Variants in MYRFL observed in about 807,000 individuals in gnomAD.
MYRFL encodes myelin regulatory factor-like protein.
MYRFL carries 88 observed loss-of-function variants against 109.4 expected under a neutral mutation model. That is an observed-to-expected ratio of 0.80 (90% confidence interval 0.68 to 0.96). The LOEUF (loss-of-function observed/expected upper bound fraction) is 0.96, where lower values mean the gene tolerates loss of function less well. Among genes scored for constraint, MYRFL ranks in the 40% least tolerant of loss-of-function variants. The pLI, the probability that MYRFL is intolerant of heterozygous loss-of-function variation, is 0.00. For missense variants in MYRFL, 957 were observed against 954.9 expected (o/e 1.00, Z -0.03); for synonymous variants, 324 against 320.9 (o/e 1.01, Z -0.10).
At chr12:69,862,398 AT>A (rs1198237446) in intron 2 of MYRFL, among the ~76,000 whole-genome samples, 4 of 152,206 alleles carry the variant, frequency 2.6e-5, no homozygotes, top group African/African-American at 9.7e-5. Context: ...ATGTTCTTCC[AT>A]TTGTTTGTAA....
chr12:69,884,975 C>G (rs967419821), intron 5 of MYRFL, among the ~76,000 whole-genome samples: 1 of 152,124 alleles, frequency 6.6e-6, no homozygotes, highest in Non-Finnish European at 1.5e-5. Flanking sequence ...AAACCCAGAT[C>G]TGTCTTGATT....
At chr12:69,926,117 C>CTTTTTTTTTTTTTTTTTTTTTT (rs147973443) in intron 13 of MYRFL, among the ~76,000 whole-genome samples, 1 of 84,852 alleles carries the variant, frequency 1.2e-5, no homozygotes, top group Non-Finnish European at 2.2e-5. Flanking sequence ...TCTTCTTCTT[C>CTTTTTTTTTTTTTTTTTTTTTT]TTTTTTTTTT....
intron 11 of MYRFL, among the ~76,000 whole-genome samples, chr12:69,904,948 C>T (rs968718756): frequency 6.6e-6 from 1 of 152,188 alleles, no homozygotes; most frequent in Non-Finnish European, 1.5e-5. Flanking sequence ...GAATGTCCTC[C>T]TTTGCTTAGA....
intron 2 of MYRFL, among the ~76,000 whole-genome samples, chr12:69,868,922 A>G (rs1421105580): frequency 2.6e-5 from 4 of 152,012 alleles, no homozygotes; most frequent in African/African-American, 9.7e-5. Flanking sequence ...ACACACATGT[A>G]CTCACACGTA....
In MYRFL at chr12:69,927,740, A is replaced by C. The variant is rs1238261002; in HGVS notation, c.1822A>C (p.Asn608His). 6.5e-7 allele frequency: 1 copy of C among 1,533,710 alleles called. No individual in the cohort carries two copies. Among genetic ancestry groups the C allele is most frequent in the Admixed American group, 2.0e-5 (1 of 50,830 alleles). ...SSPRRAVHKKNNKVYFSGKRQ... is the reference protein window; with the variant it reads ...SSPRRAVHKKHNKVYFSGKRQ... The stretch of plus-strand genomic sequence containing the variant: ...TCCAAGAAGGGCCGTTCATAAAAAA[A>C]ACAACAAGGTAAATAGACACATTTA... The change falls in exon 15 of 25, where the codon AAC (asparagine) becomes CAC (histidine). Residue 608 changes from asparagine (N) to histidine (H), a missense_variant. Asn to His is a moderately conservative substitution (Grantham distance 68, BLOSUM62 1). Transcript: ENST00000552032.
At chr12:69,836,686 A>G (rs1411972378) in intron 1 of MYRFL, among the ~76,000 whole-genome samples, 2 of 152,178 alleles carry the variant, frequency 1.3e-5, no homozygotes, top group South Asian at 2.1e-4. Flanking sequence ...AAGAACTGCC[A>G]TTAGCTCCTT....
intron 18 of MYRFL, 23 bp from the exon 19 acceptor site, chr12:69,936,430 C>A: frequency 1.1e-5 from 17 of 1,529,532 alleles, no homozygotes; most frequent in Non-Finnish European, 1.5e-5. Context: ...TGCTTCCCCT[C>A]CCCCCTGCCC....
intron 19 of MYRFL, among the ~76,000 whole-genome samples, chr12:69,947,260 C>T (rs536562952): frequency 6.6e-6 from 1 of 152,250 alleles, no homozygotes; most frequent in Non-Finnish European, 1.5e-5. Flanking sequence ...TAACAGTTTA[C>T]TAAACCCCTA....
At chr12:69,846,684 A>G (rs979662847) in intron 1 of MYRFL, among the ~76,000 whole-genome samples, 1 of 152,154 alleles carries the variant, frequency 6.6e-6, no homozygotes, top group African/African-American at 2.4e-5. Context: ...TTATAGCAGC[A>G]TGATTTATGG....
At chr12:69,938,930 C>T (rs789558) in intron 19 of MYRFL, among the ~76,000 whole-genome samples, 42,152 of 152,064 alleles carry the variant, frequency 0.28, 6,030 homozygotes, top group Non-Finnish European at 0.32. Flanking sequence ...AAAGGGGTGA[C>T]GGATGGCACC....
At chr12:69,893,696 G>T in intron 7 of MYRFL, 68 bp from the exon 8 acceptor site, 1 of 1,033,030 alleles carries the variant, frequency 9.7e-7, no homozygotes, top group Admixed American at 3.2e-5. Context: ...TTAAGTACTT[G>T]AACATTCTTT....
chr12:69,863,153 A>T (rs1462514981), intron 2 of MYRFL, among the ~76,000 whole-genome samples: 1 of 152,094 alleles, frequency 6.6e-6, no homozygotes, highest in Non-Finnish European at 1.5e-5. Context: ...TCGGTTTGCC[A>T]GTATTTTATT....
At chr12:69,869,639 G>A (rs1396717721) in intron 2 of MYRFL, among the ~76,000 whole-genome samples, 3 of 152,228 alleles carry the variant, frequency 2.0e-5, no homozygotes, top group Non-Finnish European at 4.4e-5. Context: ...AGCTCAGTGT[G>A]AGGTGCAATA....
At chr12:69,889,160 T>G (rs1240546746) in intron 6 of MYRFL, among the ~76,000 whole-genome samples, 1 of 151,970 alleles carries the variant, frequency 6.6e-6, no homozygotes, top group Non-Finnish European at 1.5e-5. Context: ...TGCATAGATC[T>G]GTACAGTAGT....
rs539033348 is a variant in MYRFL, at chr12:69,927,018, C to A, written c.1766+284C>A. Among the ~76,000 whole-genome samples the A allele has an allele frequency of 4.6e-5, 6 of 130,218 alleles. No individual in the cohort carries two copies. In the East Asian group the frequency reaches 1.2e-3, roughly 27 times the overall value. 85.4% of individuals were successfully genotyped at this position (130,218 alleles called of 152,430 possible). ...GGAGTACAATGGCACAATCTTGGCT[C>A]ACTGCAGCCTCCTTCTCCCAGATTC... On this transcript the variant is annotated intron_variant, in intron 14 of 24. Transcript: ENST00000552032.
intron 2 of MYRFL, among the ~76,000 whole-genome samples, chr12:69,865,317 G>T (rs564078762): frequency 6.6e-6 from 1 of 152,186 alleles, no homozygotes; most frequent in African/African-American, 2.4e-5. Flanking sequence ...TAGACTGAGG[G>T]AGGAAACCCA....
Position 69,825,392 on chromosome 12 carries a change from TC to T in MYRFL, c.-124del, listed in dbSNP as rs1882211445. 1.4e-6 allele frequency: 1 copy of T among 690,688 alleles called. No individual in the cohort carries two copies. Among genetic ancestry groups the T allele is most frequent in the Non-Finnish European group, 2.6e-6 (1 of 380,802 alleles). 42.8% of individuals were successfully genotyped at this position (690,688 alleles called of 1,614,324 possible). ...TTTGATGGCTGAAGATATGCTTCACTCCAATAAAAAGAAAATGAAGATTTTT... is the reference window on the plus strand; with the variant it reads ...TTTGATGGCTGAAGATATGCTTCACTCAATAAAAAGAAAATGAAGATTTTT... On this transcript the variant is annotated 5_prime_UTR_variant, in exon 1 of 25. An upstream open reading frame in the 5' UTR gains an earlier in-frame stop. Transcript: ENST00000552032.
At chr12:69,846,104 A>ACCTTT (rs1317866261) in intron 1 of MYRFL, among the ~76,000 whole-genome samples, 1 of 52,308 alleles carries the variant, frequency 1.9e-5, no homozygotes, top group Non-Finnish European at 3.5e-5. Flanking sequence ...GCTATTGACT[A>ACCTTT]TCTTTTTTTT....
Position 69,926,728 on chromosome 12 carries a change from C to A in MYRFL, c.1760C>A (p.Thr587Lys). 1 of 1,487,828 alleles carries A rather than the reference C, an allele frequency of 6.7e-7. No homozygotes were observed. Among genetic ancestry groups the A allele is most frequent in the South Asian group, 1.3e-5 (1 of 75,102 alleles). The allele number at this position is 1,487,828 out of a possible 1,614,324, so 92.2% of individuals were successfully genotyped here. ...SWKSSASEAS[T>K]ISKSSRAVSA... ...AAGTCATCAGCCAGTGAAGCAAGCA[C>A]AATCAGGTACGTGCAGCCAGGATTG... Residue 587 changes from threonine (T) to lysine (K), a missense_variant, in exon 14 of 25, where the codon ACA becomes AAA. Transcript: ENST00000552032.
Sources: allele counts gnomAD v4.1 joint callset (sites outside exome capture counted in the v4.1 genomes callset), GRCh38; gene constraint gnomAD v4.1.1; transcripts MANE v1.5; gene names NCBI Gene and HGNC (gene_info 2026-07-23, HGNC 2026-07-21).